Variants in PCAT7 observed in about 807,000 individuals in gnomAD.
PCAT7 encodes the protein prostate cancer associated transcript 7, also known as prostate cancer associated transcript 7 (non-protein coding).
chr9:94,573,425 C>T (rs1466112831), intron 3 of PCAT7, among the ~76,000 whole-genome samples: 1 of 152,092 alleles, frequency 6.6e-6, no homozygotes, highest in Non-Finnish European at 1.5e-5. Flanking sequence ...CCCCCCTCTC[C>T]AGCTAATGTC....
At chr9:94,564,658 G>T (rs10821369) in intron 2 of PCAT7, among the ~76,000 whole-genome samples, 101,357 of 151,788 alleles carry the variant, frequency 0.67, 34,505 homozygotes, top group African/African-American at 0.79. Context: ...TGGGGCCTAC[G>T]TGAGGGTGGA....
chr9:94,555,666 A>G (rs1826997991), intron 1 of PCAT7, among the ~76,000 whole-genome samples: 1 of 151,258 alleles, frequency 6.6e-6, no homozygotes, highest in African/African-American at 2.4e-5. Context: ...TAGAGGAGCA[A>G]AAGAAGATAG....
At chr9:94,554,627 G>GCGAGC (rs1826976817), upstream of PCAT7, among the ~76,000 whole-genome samples, 1 of 145,494 alleles carries the variant, frequency 6.9e-6, no homozygotes, top group South Asian at 2.5e-4. Flanking sequence ...CCGCAGCGAG[G>GCGAGC]CGAGCCGCGG....
chr9:94,571,696 G>T, intron 2 of PCAT7: 1 of 1,167,912 alleles, frequency 8.6e-7, no homozygotes. Context: ...TCGAATCACT[G>T]AAGGAAGCGC....
At chr9:94,563,503 A>T in intron 2 of PCAT7, 2 of 1,595,258 alleles carry the variant, frequency 1.3e-6, no homozygotes, top group Non-Finnish European at 1.7e-6. Flanking sequence ...AGTGGCTTTC[A>T]GGATTAGCCA....
At chr9:94,568,251 C>T (rs183153459) in intron 2 of PCAT7, 99 of 152,312 alleles carry the variant, frequency 6.5e-4, no homozygotes, top group African/African-American at 1.8e-3. Context: ...TCATCAGACA[C>T]TGTGTTCACC....
intron 2 of PCAT7, among the ~76,000 whole-genome samples, chr9:94,565,858 T>TGG (rs762406304): frequency 1.2e-4 from 19 of 152,030 alleles, no homozygotes; most frequent in Non-Finnish European, 2.1e-4. Flanking sequence ...GCTCGTAACT[T>TGG]GGGGGAGGAG....
intron 2 of PCAT7, among the ~76,000 whole-genome samples, chr9:94,560,883 G>T (rs1041323930): frequency 6.7e-6 from 1 of 150,026 alleles, no homozygotes; most frequent in Non-Finnish European, 1.5e-5. Flanking sequence ...CTCCATGGGG[G>T]TATTTACTGC....
intron 2 of PCAT7, among the ~76,000 whole-genome samples, chr9:94,560,762 AAT>A (rs1390002362): frequency 2.0e-5 from 3 of 147,996 alleles, no homozygotes; most frequent in Non-Finnish European, 4.5e-5. Context: ...ATATTTATAT[AAT>A]GTTATTATAT....
At chr9:94,555,260 C>T (rs1167838832) in exon 1 of PCAT7, 1 of 151,758 alleles carries the variant, frequency 6.6e-6, no homozygotes, top group African/African-American at 2.4e-5. Context: ...TGGCGCGGCT[C>T]GCCTCGCTGC....
intron 2 of PCAT7, among the ~76,000 whole-genome samples, chr9:94,572,500 G>GGTCT (rs1351194160): frequency 6.6e-6 from 1 of 152,192 alleles, no homozygotes; most frequent in African/African-American, 2.4e-5. Context: ...CTGACCTCAT[G>GGTCT]GTCTGGTCTT....
intron 2 of PCAT7, among the ~76,000 whole-genome samples, chr9:94,559,711 A>G (rs1334847267): frequency 1.3e-5 from 2 of 151,950 alleles, no homozygotes; most frequent in African/African-American, 4.8e-5. Context: ...CATCGTTTGC[A>G]CTCCCATAGC....
chr9:94,573,586 A>G (rs2945797), intron 3 of PCAT7, among the ~76,000 whole-genome samples: 74,009 of 152,202 alleles, frequency 0.49, 18,641 homozygotes, highest in East Asian at 0.61. Flanking sequence ...AGATACGATT[A>G]TGTGATTTTT....
chr9:94,573,405 T>C (rs1353302041), intron 3 of PCAT7, among the ~76,000 whole-genome samples: 4 of 152,154 alleles, frequency 2.6e-5, no homozygotes, highest in Admixed American at 6.5e-5. Context: ...ACTACGGGTA[T>C]GCACTACCAC....
chr9:94,567,226 G>C (rs764653047), intron 2 of PCAT7: 1 of 1,610,200 alleles, frequency 6.2e-7, no homozygotes, highest in East Asian at 2.2e-5. Flanking sequence ...GGACCCCATG[G>C]GGACAGCATT....
rs1174386595 is a variant in PCAT7 at position 94,561,352 on chromosome 9, ATTTTTTTTTTTT to A, written n.441+2217_441+2228del. 5.5e-5 allele frequency among the ~76,000 whole-genome samples: 3 copies of A among 54,990 alleles called. 1 individual carries two copies. Among genetic ancestry groups the A allele is most frequent in the Middle Eastern group, 0.036 (2 of 56 alleles). The allele number at this position is 54,990 out of a possible 152,430, so 36.1% of individuals were successfully genotyped here. A position where few individuals can be genotyped will look rare whatever the true frequency, so the allele number is the denominator to read the frequency against. On this transcript the variant is annotated intron_variant and non_coding_transcript_variant, in intron 2 of 8. Transcript: ENST00000647389. ...GCAGGCCATGTGACATGTGACCTGT[ATTTTTTTTTTTT>A]TTTTTTTTTTTTTTTTGAGATGGAA...
intron 2 of PCAT7, among the ~76,000 whole-genome samples, chr9:94,560,924 T>C (rs921125143): frequency 6.6e-6 from 1 of 151,950 alleles, no homozygotes; most frequent in African/African-American, 2.4e-5. Context: ...GCCCTCACCC[T>C]AGACCTCTGG....
intron 2 of PCAT7, chr9:94,568,470 C>CT (rs1827225819): frequency 6.6e-6 from 1 of 152,128 alleles, no homozygotes; most frequent in Non-Finnish European, 1.5e-5. Flanking sequence ...TCATGTCTGT[C>CT]TCAGTCACTA....
At position 94,572,714 on chromosome 9, in the gene PCAT7, A is replaced by C. The variant is rs191271849; in HGVS notation, n.442-265A>C. Among the ~76,000 whole-genome samples, 477 of 151,990 alleles carry C rather than the reference A, an allele frequency of 3.1e-3. 2 individuals are homozygous for C. The highest frequency in any genetic ancestry group is 5.1e-3 in the Non-Finnish European group (346 of 67,938). The stretch of plus-strand genomic sequence containing the variant: ...TGCATTTAATTCACACACACACACA[A>C]CACACACATGAGTTTACACACACAC... On this transcript the variant is annotated intron_variant and non_coding_transcript_variant, in intron 2 of 8. Coordinates refer to ENST00000647389, the Ensembl canonical transcript of PCAT7.
Sources: gnomAD v4.1 joint callset for allele counts (sites outside exome capture counted in the v4.1 genomes callset) on GRCh38, gnomAD v4.1.1 for gene constraint, MANE v1.5 for transcripts, NCBI Gene and HGNC (gene_info 2026-07-23, HGNC 2026-07-21) for gene names.